The following RP1 variants were observed in gnomAD, a reference collection of about 807,000 sequenced individuals.
RP1 encodes oxygen-regulated protein 1.
In RP1, 16 loss-of-function variants were observed where a neutral mutation model predicts 14.8. The ratio of observed to expected loss-of-function variants is 1.08; its 90% CI spans 0.73 to 1.65. The LOEUF is 1.65. Among genes scored for constraint, RP1 ranks in the 40% most tolerant of loss-of-function variants. RP1 has a pLI of 0.00. For synonymous variants in RP1, 876 were observed against 883.6 expected (o/e 0.99, Z 0.15); for missense variants, 2,631 against 2,535.0 (o/e 1.04, Z -0.81).
At chr8:54,725,587 T>C (rs914228978) in intron 16 of RP1, among the ~76,000 whole-genome samples, 2 of 152,232 alleles carry the variant, frequency 1.3e-5, no homozygotes, top group African/African-American at 4.8e-5. Flanking sequence ...TCTTACATCG[T>C]TGACTGCAAT....
chr8:54,705,762 G>C (rs1808135931), intron 14 of RP1, among the ~76,000 whole-genome samples: 1 of 151,550 alleles, frequency 6.6e-6, no homozygotes, highest in African/African-American at 2.4e-5. Flanking sequence ...TGTTGAGTAT[G>C]GTCCTTAAGG....
chr8:54,672,348 G>A (rs1050796774), intron 7 of RP1, among the ~76,000 whole-genome samples: 16 of 152,160 alleles, frequency 1.1e-4, no homozygotes, highest in African/African-American at 3.9e-4. Context: ...TGGACTGTGG[G>A]TGGTTTCCTT....
intron 1 of RP1, among the ~76,000 whole-genome samples, chr8:54,619,972 G>A (rs1805816522): frequency 2.0e-5 from 3 of 152,208 alleles, no homozygotes; most frequent in Admixed American, 1.3e-4. Context: ...GGATATGAAG[G>A]ACTAAATTGA....
intron 24 of RP1, among the ~76,000 whole-genome samples, chr8:54,805,103 C>T (rs1416672045): frequency 1.3e-5 from 2 of 152,160 alleles, no homozygotes; most frequent in East Asian, 1.9e-4. Flanking sequence ...ACTGGCAGTG[C>T]CTGAATTTTG....
chr8:54,786,985 A>C (rs1228344743), intron 24 of RP1, among the ~76,000 whole-genome samples: 1 of 152,160 alleles, frequency 6.6e-6, no homozygotes, highest in Non-Finnish European at 1.5e-5. Context: ...TTCATATGGT[A>C]GGTGACAATG....
intron 14 of RP1, among the ~76,000 whole-genome samples, chr8:54,705,887 T>A (rs1279190970): frequency 6.6e-6 from 1 of 152,082 alleles, no homozygotes; most frequent in Non-Finnish European, 1.5e-5. Context: ...TTGTATTTTA[T>A]CTTTTGTGAT....
At chr8:54,638,345 G>A (rs1285187423) in intron 3 of RP1, among the ~76,000 whole-genome samples, 1 of 151,502 alleles carries the variant, frequency 6.6e-6, no homozygotes, top group African/African-American at 2.4e-5. Flanking sequence ...GGCTGAGACA[G>A]GAGAATCACT....
At chr8:54,640,696 T>C (rs1806436820) in intron 3 of RP1, among the ~76,000 whole-genome samples, 1 of 152,176 alleles carries the variant, frequency 6.6e-6, no homozygotes, top group Admixed American at 6.6e-5. Flanking sequence ...TGTAAAGCAG[T>C]CCATCATTAC....
At chr8:54,813,298 A>G (rs2129393976) in intron 24 of RP1, among the ~76,000 whole-genome samples, 1 of 152,310 alleles carries the variant, frequency 6.6e-6, no homozygotes, top group South Asian at 2.1e-4. Context: ...CCTGGCTTTC[A>G]GGTTTGTCAC....
At chr8:54,826,611 A>G (rs1222095935) in intron 24 of RP1, among the ~76,000 whole-genome samples, 3 of 152,258 alleles carry the variant, frequency 2.0e-5, no homozygotes, top group Non-Finnish European at 4.4e-5. Flanking sequence ...TTTTTACATC[A>G]AATAATCCAA....
At chr8:54,737,198 T>C (rs1808953898) in intron 18 of RP1, among the ~76,000 whole-genome samples, 1 of 152,198 alleles carries the variant, frequency 6.6e-6, no homozygotes, top group Non-Finnish European at 1.5e-5. Context: ...AATTTCTTCA[T>C]CTTTTAAAGT....
chr8:54,695,759 G>T (rs1255184526), intron 12 of RP1, among the ~76,000 whole-genome samples: 3 of 152,154 alleles, frequency 2.0e-5, no homozygotes, highest in African/African-American at 7.2e-5. Context: ...CTAATGAGTT[G>T]TGTCAGACTC....
At chr8:54,614,664 C>T (rs1160472877), upstream of RP1, among the ~76,000 whole-genome samples, 4 of 152,140 alleles carry the variant, frequency 2.6e-5, no homozygotes, top group African/African-American at 7.2e-5. Context: ...ACGTATACTA[C>T]GGGAGATGCT....
intron 24 of RP1, among the ~76,000 whole-genome samples, chr8:54,787,623 T>C (rs1453192193): frequency 6.6e-6 from 1 of 152,208 alleles, no homozygotes; most frequent in Non-Finnish European, 1.5e-5. Flanking sequence ...TATTCTCCGT[T>C]GCTGGGAAAA....
downstream of RP1, chr8:54,770,168 G>A: frequency 2.5e-6 from 1 of 401,282 alleles, no homozygotes; most frequent in Non-Finnish European, 4.4e-6. Flanking sequence ...GAAGCAAATG[G>A]TAAATGTTGT....
chr8:54,565,385 C>T (rs1022106956), intron 1 of RP1, among the ~76,000 whole-genome samples: 14 of 152,008 alleles, frequency 9.2e-5, no homozygotes, highest in African/African-American at 4.8e-5. Flanking sequence ...GCCAACAGGG[C>T]GAAACTCCGC....
At chr8:54,631,069 G>A (rs1806238287), downstream of RP1, among the ~76,000 whole-genome samples, 1 of 152,120 alleles carries the variant, frequency 6.6e-6, no homozygotes, top group Admixed American at 6.5e-5. Context: ...TATGCCTCTT[G>A]TCTACAACTA....
At chr8:54,592,260 G>A (rs1049799243) in intron 1 of RP1, among the ~76,000 whole-genome samples, 1 of 152,198 alleles carries the variant, frequency 6.6e-6, no homozygotes. Flanking sequence ...AAGGGCACAG[G>A]TACTTGTGCA....
At chr8:54,563,868 C>T (rs1030094371) in intron 1 of RP1, among the ~76,000 whole-genome samples, 5 of 152,082 alleles carry the variant, frequency 3.3e-5, no homozygotes. Context: ...TTTTTGACAA[C>T]CAAAATCTTC....
Sources: allele counts gnomAD v4.1 joint callset (sites outside exome capture counted in the v4.1 genomes callset), GRCh38; gene constraint gnomAD v4.1.1; transcripts MANE v1.5; gene names NCBI Gene and HGNC (gene_info 2026-07-23, HGNC 2026-07-21).